ESCO1: variants seen among roughly 807,000 people sequenced by gnomAD.
ESCO1 encodes the protein N-acetyltransferase ESCO1.
ESCO1 carries 33 observed loss-of-function variants against 83.5 expected under a neutral mutation model. That is an observed-to-expected ratio of 0.40 (90% confidence interval 0.30 to 0.53). ESCO1 has a LOEUF of 0.53. Ranked by LOEUF, ESCO1 falls within the 20% of genes least tolerant of loss-of-function variation. The pLI, the probability that ESCO1 is intolerant of heterozygous loss-of-function variation, is 0.63. For synonymous variants in ESCO1, 332 were observed against 324.3 expected (o/e 1.02, Z -0.25); for missense variants, 855 against 968.0 (o/e 0.88, Z 1.55).
intron 2 of ESCO1, among the ~76,000 whole-genome samples, chr18:21,580,817 C>T (rs1042638081): frequency 1.3e-5 from 2 of 151,806 alleles, no homozygotes; most frequent in African/African-American, 4.8e-5. Flanking sequence ...AGGAGGAACC[C>T]CCGTCTCTAC....
intron 1 of ESCO1, among the ~76,000 whole-genome samples, chr18:21,586,269 C>T (rs956692331): frequency 6.6e-6 from 1 of 152,188 alleles, no homozygotes; most frequent in African/African-American, 2.4e-5. Context: ...CACATAAGAA[C>T]GAGAATATGC....
At position 21,574,520 on chromosome 18, in the gene ESCO1, T is replaced by A; in HGVS notation, c.324A>T (p.Val108=). 4 of 1,613,878 alleles carry A rather than the reference T, an allele frequency of 2.5e-6. No individual in the cohort carries two copies. Among genetic ancestry groups the A allele is most frequent in the Non-Finnish European group, 3.4e-6 (4 of 1,179,960 alleles). Residue 108 remains valine (V), a synonymous_variant, in exon 4 of 12, where the codon GTA becomes GTT. Coordinates refer to ENST00000269214, the MANE Select transcript of ESCO1 (RefSeq NM_052911.3). ...TKKKLSQKKL[V]HENPKANEQL... ...GTTCATTTGCTTTAGGGTTTTCATG[T>A]ACTAATTTTTTCTGAGATAATTTCT...
chr18:21,592,842 T>C (rs1401474537), intron 1 of ESCO1, among the ~76,000 whole-genome samples: 5 of 114,604 alleles, frequency 4.4e-5, no homozygotes, highest in African/African-American at 1.4e-4. Flanking sequence ...GACGGGGCGG[T>C]TGCCGGGCAG....
chr18:21,590,706 T>C (rs1315135710), intron 1 of ESCO1, among the ~76,000 whole-genome samples: 1 of 151,794 alleles, frequency 6.6e-6, no homozygotes, highest in Non-Finnish European at 1.5e-5. Context: ...TCCCAGCACT[T>C]TGGGAGGCCG....
At chr18:21,564,915 A>G (rs897095489) in intron 6 of ESCO1, among the ~76,000 whole-genome samples, 1 of 151,790 alleles carries the variant, frequency 6.6e-6, no homozygotes, top group Non-Finnish European at 1.5e-5. Flanking sequence ...AAATAAATAA[A>G]TAAAATAAAA....
chr18:21,532,335 A>G, intron 11 of ESCO1, 138 bp downstream of exon 11: 4 of 853,196 alleles, frequency 4.7e-6, no homozygotes, highest in Non-Finnish European at 5.3e-6. Flanking sequence ...GATCCAATAC[A>G]CTGATAACCT....
At chr18:21,544,629 CAA>C (rs970704832) in intron 8 of ESCO1, among the ~76,000 whole-genome samples, 13 of 101,584 alleles carry the variant, frequency 1.3e-4, no homozygotes, top group Non-Finnish European at 1.2e-4. Context: ...AACTCCATCT[CAA>C]AAAAAAAAAA....
intron 2 of ESCO1, among the ~76,000 whole-genome samples, chr18:21,579,403 A>G (rs1052880300): frequency 6.6e-6 from 1 of 151,906 alleles, no homozygotes; most frequent in Admixed American, 6.6e-5. Flanking sequence ...CTGAGGCTGC[A>G]GTGAACTACG....
At chr18:21,573,159 G>C (rs1269219016) in intron 4 of ESCO1, among the ~76,000 whole-genome samples, 155 bp downstream of exon 4, 1 of 152,172 alleles carries the variant, frequency 6.6e-6, no homozygotes, top group East Asian at 1.9e-4. Flanking sequence ...TCTATCACAA[G>C]ACTGGGTTAA....
chr18:21,537,596 T>A (rs900438338), intron 9 of ESCO1, among the ~76,000 whole-genome samples: 3 of 152,136 alleles, frequency 2.0e-5, no homozygotes, highest in African/African-American at 7.2e-5. Flanking sequence ...TGTTATTAAG[T>A]CCTCCTAATC....
At chr18:21,599,651 T>G (rs1465157405) in intron 1 of ESCO1, among the ~76,000 whole-genome samples, 1 of 152,162 alleles carries the variant, frequency 6.6e-6, no homozygotes, top group Non-Finnish European at 1.5e-5. Context: ...CAGCTAAGAC[T>G]ACAGAAAACA....
chr18:21,569,782 C>T lies in ESCO1; in HGVS notation c.1531-1688G>A, dbSNP rs533369672. Among the ~76,000 whole-genome samples the T allele has an allele frequency of 2.6e-5, 4 of 152,172 alleles. No homozygotes were observed. In the East Asian group the frequency reaches 5.8e-4, roughly 22 times the overall value. On this transcript the variant is annotated intron_variant, in intron 4 of 11. Transcript: ENST00000269214. The stretch of plus-strand genomic sequence containing the variant: ...GGAGAAATCACTTGAACCCGGGAGG[C>T]GGAGGTTGCAGTGAGCCAAGATCAC...
intron 8 of ESCO1, among the ~76,000 whole-genome samples, chr18:21,542,849 A>G (rs1425807460): frequency 1.3e-5 from 2 of 152,226 alleles, no homozygotes; most frequent in African/African-American, 4.8e-5. Flanking sequence ...GAGGCGATAA[A>G]GTCCATCCAA....
intron 3 of ESCO1, 89 bp downstream of exon 3, chr18:21,575,583 C>T (rs946260304): frequency 2.6e-4 from 105 of 398,052 alleles, no homozygotes; most frequent in Non-Finnish European, 6.2e-5. Context: ...AACGAAGTAT[C>T]CCAAGTATAT....
At position 21,574,423 on chromosome 18, in the gene ESCO1, T is replaced by C; in HGVS notation, c.421A>G (p.Ile141Val). Residue 141 changes from isoleucine to valine, a missense_variant, in exon 4 of 12, where the codon ATT (isoleucine) becomes GTT (valine). By Grantham distance (29) the Ile-to-Val change is conservative. This residue lies in a region of ESCO1 where 726 missense variants were observed against 699.5 expected (regional missense o/e 1.04). Coordinates refer to ENST00000269214, the MANE Select transcript of ESCO1 (RefSeq NM_052911.3). ...TTAACTGCTTGAACTTGACCCTGAATTTCTCTACTGCGTAACGACCTTCTT... is the reference window on the plus strand; with the variant it reads ...TTAACTGCTTGAACTTGACCCTGAACTTCTCTACTGCGTAACGACCTTCTT... ...VSRRSLRSRE[I>V]QGQVQAVKQS... 1 of 1,614,168 alleles carries C rather than the reference T, an allele frequency of 6.2e-7. No homozygotes were observed. The highest frequency in any genetic ancestry group is 8.5e-7 in the Non-Finnish European group (1 of 1,180,030).
At chr18:21,539,408 T>C (rs1598977972) in intron 9 of ESCO1, among the ~76,000 whole-genome samples, 1 of 152,210 alleles carries the variant, frequency 6.6e-6, no homozygotes, top group Admixed American at 6.5e-5. Flanking sequence ...TACTGGACAG[T>C]ACTCAGTTCA....
chr18:21,545,572 C>CA lies in ESCO1; in HGVS notation c.1954-5564dup, dbSNP rs766178068. Among the ~76,000 whole-genome samples the CA allele has an allele frequency of 8.9e-3, 831 of 93,312 alleles. 5 individuals carry two copies. The highest frequency in any genetic ancestry group is 0.022 in the African/African-American group (556 of 25,006). 61.2% of individuals were successfully genotyped at this position (93,312 alleles called of 152,430 possible). ...CGGTTAACAGAGCAAGACACCGTCT[C>CA]AAAAAAAAAAAAAAAATTTACTAAA... On this transcript the variant is annotated intron_variant, in intron 8 of 11. Transcript: ENST00000269214.
chr18:21,584,820 TCAA>T (rs765750176), intron 1 of ESCO1, among the ~76,000 whole-genome samples: 94 of 151,732 alleles, frequency 6.2e-4, no homozygotes, highest in Admixed American at 1.6e-3. Context: ...CACCCCCATC[TCAA>T]CAACAACAAC....
chr18:21,543,582 A>C (rs2037934262), intron 8 of ESCO1, among the ~76,000 whole-genome samples: 1 of 152,254 alleles, frequency 6.6e-6, no homozygotes, highest in Non-Finnish European at 1.5e-5. Context: ...TACAATGATC[A>C]AAATTCAAAC....
Sources: gnomAD v4.1 joint callset for allele counts (sites outside exome capture counted in the v4.1 genomes callset) on GRCh38, gnomAD v4.1.1 for gene constraint, gnomAD v4.1.1 regional missense constraint, MANE v1.5 for transcripts, NCBI Gene and HGNC (gene_info 2026-07-23, HGNC 2026-07-21) for gene names.